The following OR5T2 variants were observed in gnomAD, a reference collection of about 807,000 sequenced individuals.
The protein encoded by OR5T2 is olfactory receptor 5T2.
A neutral mutation model predicts 13.7 loss-of-function variants in OR5T2; 12 were observed. The observed-to-expected ratio is 0.88, with a 90% CI of 0.56 to 1.42. The LOEUF (loss-of-function observed/expected upper bound fraction) is 1.42. Among genes scored for constraint, OR5T2 ranks in the 40% most tolerant of loss-of-function variants. The pLI is 0.00. For synonymous variants in OR5T2, 146 were observed against 139.5 expected (o/e 1.05, Z -0.33); for missense variants, 475 against 372.0 (o/e 1.28, Z -2.28).
In OR5T2 at chr11:56,234,239, G is replaced by T. The variant is rs1331117224; in HGVS notation, c.-265C>A. 2.6e-5 allele frequency: 4 copies of T among 151,882 alleles called. No homozygotes were observed. The highest frequency in any genetic ancestry group is 4.4e-5 in the Non-Finnish European group (3 of 67,940). 9.4% of individuals were successfully genotyped at this position (151,882 alleles called of 1,614,324 possible). A position where few individuals can be genotyped will look rare whatever the true frequency, so the allele number is the denominator to read the frequency against. On this transcript the variant is annotated 5_prime_UTR_variant, in exon 1 of 2. It adds an upstream start codon to the 5' untranslated region. Coordinates refer to ENST00000641661, the MANE Select transcript of OR5T2 (RefSeq NM_001004746.4). ...TTTCCAGAGCCAAGATTCAATCCCAGGTTTCTCTCATTGTACATGAAATTT... is the reference window on the plus strand; with the variant it reads ...TTTCCAGAGCCAAGATTCAATCCCATGTTTCTCTCATTGTACATGAAATTT...
At position 56,232,005 on chromosome 11, in the gene OR5T2, T is replaced by C; in HGVS notation, c.*101A>G. 1 of 963,662 alleles carries C rather than the reference T, an allele frequency of 1.0e-6. No individual in the cohort carries two copies. The highest frequency in any genetic ancestry group is 2.1e-5 in the South Asian group (1 of 48,700). The allele number at this position is 963,662 out of a possible 1,614,324, so 59.7% of individuals were successfully genotyped here. A position where few individuals can be genotyped will look rare whatever the true frequency, so the allele number is the denominator to read the frequency against. On this transcript the variant is annotated 3_prime_UTR_variant, in exon 2 of 2. Transcript: ENST00000641661. ...AGACTGTAACAAAGGCTATGGGAAT[T>C]ATGAGCCAGGAACCCTGGATGGAAA...
intron 1 of OR5T2, among the ~76,000 whole-genome samples, chr11:56,233,742 T>C (rs546672540): frequency 7.2e-4 from 109 of 152,180 alleles, no homozygotes; most frequent in African/African-American, 2.4e-3. Flanking sequence ...AATTATTCTT[T>C]GGAGAATGAA....
intron 1 of OR5T2, among the ~76,000 whole-genome samples, 164 bp downstream of exon 1, chr11:56,234,013 G>A (rs1473691280): frequency 6.6e-6 from 1 of 151,774 alleles, no homozygotes; most frequent in Non-Finnish European, 1.5e-5. Context: ...TAATAATATA[G>A]AATCAACTTT....
rs1018992870 is a variant in OR5T2, at chr11:56,231,363, G to C, written c.*743C>G. ...CACAGAAGACTTCTGTGATCAAATGGGTAGGGATTTCTTCCTCCCACACCA... is the reference window on the plus strand; with the variant it reads ...CACAGAAGACTTCTGTGATCAAATGCGTAGGGATTTCTTCCTCCCACACCA... On this transcript the variant is annotated 3_prime_UTR_variant, in exon 2 of 2. Transcript: ENST00000641661. 2.0e-5 allele frequency: 3 copies of C among 152,038 alleles called. No individual in the cohort carries two copies. The highest frequency in any genetic ancestry group is 4.4e-5 in the Non-Finnish European group (3 of 67,986). 9.4% of individuals were successfully genotyped at this position (152,038 alleles called of 1,614,324 possible).
In OR5T2 at chr11:56,231,283, G is replaced by A. The variant is rs1469275385; in HGVS notation, c.*823C>T. 6.6e-6 allele frequency: 1 copy of A among 152,040 alleles called. No individual in the cohort carries two copies. The highest frequency in any genetic ancestry group is 2.4e-5 in the African/African-American group (1 of 41,394). 9.4% of individuals were successfully genotyped at this position (152,040 alleles called of 1,614,324 possible). ...TTAAACATTTTTATTATCGTCTAGG[G>A]AAAACTCTTGCTAACCAGGTTTTTC... On this transcript the variant is annotated 3_prime_UTR_variant, in exon 2 of 2. Coordinates refer to ENST00000641661, the MANE Select transcript of OR5T2 (RefSeq NM_001004746.4).
In OR5T2 at chr11:56,232,935, A is replaced by G. The variant is rs371509815; in HGVS notation, c.128T>C (p.Leu43Pro). ...GGAATCCCTAATGACCACTAAAATCAGTCCTAAATTTCCCATGAGAGTGAA... is the reference window on the plus strand; with the variant it reads ...GGAATCCCTAATGACCACTAAAATCGGTCCTAAATTTCCCATGAGAGTGAA... Reference protein sequence around the residue: ...YLFTLMGNLGLILVVIRDSQL... With the variant: ...YLFTLMGNLGPILVVIRDSQL... The change falls in exon 2 of 2, where the codon CTG (leucine) becomes CCG (proline). Residue 43 changes from leucine to proline, a missense_variant. Physicochemically the swap from Leu to Pro is moderately conservative, Grantham distance 98. Transcript: ENST00000641661. 1.2e-6 allele frequency: 2 copies of G among 1,611,430 alleles called. No individual in the cohort carries two copies. Among genetic ancestry groups the G allele is most frequent in the African/African-American group, 1.3e-5 (1 of 74,882 alleles).
In OR5T2 at chr11:56,232,573, G is replaced by A. The variant is rs144528512; in HGVS notation, c.490C>T (p.Leu164=). 2.5e-6 allele frequency: 4 copies of A among 1,613,870 alleles called. No homozygotes were observed. In the Admixed American group the frequency reaches 5.0e-5, roughly 20 times the overall value. Residue 164 remains leucine (L), a synonymous_variant, in exon 2 of 2, where the codon CTA becomes TTA. Transcript: ENST00000641661. Reference sequence around the variant, plus strand: ...ATTTCATTGGCTCCACAGAAGGATAGGCTAAATGTAGCCACTGTATGTATA... The same window carrying A: ...ATTTCATTGGCTCCACAGAAGGATAAGCTAAATGTAGCCACTGTATGTATA... ...ATIHTVATFS[L]SFCGANEIRR... is the part of the protein sequence containing the mutation.
chr11:56,233,157 A>G lies in OR5T2; in HGVS notation c.-95T>C. The G allele has an allele frequency of 6.4e-7, 1 of 1,566,156 alleles. No homozygotes were observed. Among genetic ancestry groups the G allele is most frequent in the Non-Finnish European group, 8.7e-7 (1 of 1,152,888 alleles). Reference sequence around the variant, plus strand: ...AACACCATGACTCAAGGGGATGTTAACTGTGCTCTTGTATATACTGTACGA... The same window carrying G: ...AACACCATGACTCAAGGGGATGTTAGCTGTGCTCTTGTATATACTGTACGA... On this transcript the variant is annotated 5_prime_UTR_variant, in exon 2 of 2. Coordinates refer to ENST00000641661, the MANE Select transcript of OR5T2 (RefSeq NM_001004746.4).
In OR5T2 at chr11:56,232,604, A is replaced by C; in HGVS notation, c.459T>G (p.His153Gln). The C allele has an allele frequency of 6.2e-7, 1 of 1,614,126 alleles. No homozygotes were observed. Among genetic ancestry groups the C allele is most frequent in the Admixed American group, 1.7e-5 (1 of 60,022 alleles). The part of the protein sequence containing the change: ...INASYVAGIL[H>Q]ATIHTVATFS... ...ATGTAGCCACTGTATGTATAGTAGCATGTAAAATGCCAGCAACATAGGAAG... is the reference window on the plus strand; with the variant it reads ...ATGTAGCCACTGTATGTATAGTAGCCTGTAAAATGCCAGCAACATAGGAAG... Residue 153 changes from histidine to glutamine, a missense_variant, in exon 2 of 2, where the codon CAT becomes CAG. Coordinates refer to ENST00000641661, the MANE Select transcript of OR5T2 (RefSeq NM_001004746.4).
At chr11:56,233,288 G>A in intron 1 of OR5T2, 24 bp from the exon 2 acceptor site, 1 of 905,008 alleles carries the variant, frequency 1.1e-6, no homozygotes, top group Non-Finnish European at 1.6e-6. Context: ...TGGAAGAAAT[G>A]GACGTTCATT....
At chr11:56,233,391 T>A (rs933251898) in intron 1 of OR5T2, 127 bp from the exon 2 acceptor site, 1 of 393,672 alleles carries the variant, frequency 2.5e-6, no homozygotes, top group Non-Finnish European at 4.5e-6. Context: ...TTAAATAATA[T>A]TAAAACACAC....
Position 56,231,935 on chromosome 11 carries a change from G to A in OR5T2, c.*171C>T. 1 of 511,914 alleles carries A rather than the reference G, an allele frequency of 2.0e-6. No homozygotes were observed. Among genetic ancestry groups the A allele is most frequent in the Non-Finnish European group, 3.3e-6 (1 of 303,830 alleles). 31.7% of individuals were successfully genotyped at this position (511,914 alleles called of 1,614,324 possible). ...GCAAGTGAAAGGAGGGCAGGAGAAGGTAAAAGGCCTGCCCCTGAGGTATAA... is the reference window on the plus strand; with the variant it reads ...GCAAGTGAAAGGAGGGCAGGAGAAGATAAAAGGCCTGCCCCTGAGGTATAA... On this transcript the variant is annotated 3_prime_UTR_variant, in exon 2 of 2. Transcript: ENST00000641661.
At position 56,232,958 on chromosome 11, in the gene OR5T2, G is replaced by C; in HGVS notation, c.105C>G (p.Phe35Leu). 6.2e-7 allele frequency: 1 copy of C among 1,610,728 alleles called. No individual in the cohort carries two copies. Among genetic ancestry groups the C allele is most frequent in the Non-Finnish European group, 8.5e-7 (1 of 1,178,450 alleles). ...FFFLFLAIYL[F>L]TLMGNLGLIL... ...TCAGTCCTAAATTTCCCATGAGAGT[G>C]AAGAGGTAGATTGCTAGAAACAGGA... is the stretch of plus-strand genomic sequence containing the variant. The change falls in exon 2 of 2, where the codon TTC (phenylalanine) becomes TTG (leucine). Residue 35 changes from phenylalanine to leucine, a missense_variant. Physicochemically the swap from Phe to Leu is conservative, Grantham distance 22 (BLOSUM62 0). Coordinates refer to ENST00000641661, the MANE Select transcript of OR5T2 (RefSeq NM_001004746.4).
In OR5T2 at chr11:56,233,092, G is replaced by A. The variant is rs1048306035; in HGVS notation, c.-30C>T. On this transcript the variant is annotated 5_prime_UTR_variant, in exon 2 of 2. Coordinates refer to ENST00000641661, the MANE Select transcript of OR5T2 (RefSeq NM_001004746.4). ...AAATCTAGAACAAACTTGAAGATAT[G>A]CATAAAGTTACAGTTCATATTATGA... 6.2e-7 allele frequency: 1 copy of A among 1,605,704 alleles called. No homozygotes were observed. The highest frequency in any genetic ancestry group is 8.5e-7 in the Non-Finnish European group (1 of 1,173,708).
chr11:56,232,228 C>A lies in OR5T2; in HGVS notation c.835G>T (p.Val279Leu). 1 of 1,613,450 alleles carries A rather than the reference C, an allele frequency of 6.2e-7. No homozygotes were observed. Among genetic ancestry groups the A allele is most frequent in the Non-Finnish European group, 8.5e-7 (1 of 1,179,716 alleles). Residue 279 changes from valine (V) to leucine (L), a missense_variant, in exon 2 of 2, where the codon GTG becomes TTG. Transcript: ENST00000641661. ...ATGACGGGATTCAGCAAGGGAATCA[C>A]AATGGTGTAAAATATTGACACTATC... ...DMIVSIFYTIVIPLLNPVIYS... is the reference protein window; with the variant it reads ...DMIVSIFYTILIPLLNPVIYS...
At position 56,232,436 on chromosome 11, in the gene OR5T2, G is replaced by T. The variant is rs771184738; in HGVS notation, c.627C>A (p.Ile209=). The part of the protein sequence containing the change: ...YFVGSIELVT[I]LIVLISYGLI... ...AACCATAGGAGATCAGAACAATCAG[G>T]ATAGTGACCAGCTCGATAGAGCCCA... Residue 209 remains isoleucine, a synonymous_variant, in exon 2 of 2, where the codon ATC becomes ATA. Transcript: ENST00000641661. 6 of 1,609,442 alleles carry T rather than the reference G, an allele frequency of 3.7e-6. No individual in the cohort carries two copies. The East Asian group carries it at 1.3e-4, about 36-fold the overall frequency.
chr11:56,233,112 T>G lies in OR5T2; in HGVS notation c.-50A>C, dbSNP rs772423492. 1.9e-5 allele frequency: 30 copies of G among 1,598,718 alleles called. No homozygotes were observed. Among genetic ancestry groups the G allele is most frequent in the Non-Finnish European group, 1.8e-5 (21 of 1,169,644 alleles). On this transcript the variant is annotated 5_prime_UTR_variant, in exon 2 of 2. Transcript: ENST00000641661. Reference sequence around the variant, plus strand: ...GATATGCATAAAGTTACAGTTCATATTATGACAAAAAGAATGAACAACACC... The same window carrying G: ...GATATGCATAAAGTTACAGTTCATAGTATGACAAAAAGAATGAACAACACC...
Position 56,232,358 on chromosome 11 carries a change from G to C in OR5T2, c.705C>G (p.Val235=). The part of the protein sequence containing the change: ...KMYSAEGRRK[V]FSTCGAHLTG... Reference sequence around the variant, plus strand: ...TTAGGTGAGCTCCACATGTGGAGAAGACTTTTCTCCTCCCTTCAGCAGAAT... The same window carrying C: ...TTAGGTGAGCTCCACATGTGGAGAACACTTTTCTCCTCCCTTCAGCAGAAT... The change falls in exon 2 of 2, where the codon GTC becomes GTG. Residue 235 remains valine (V), a synonymous_variant. Coordinates refer to ENST00000641661, the MANE Select transcript of OR5T2 (RefSeq NM_001004746.4). The C allele has an allele frequency of 6.2e-7, 1 of 1,608,208 alleles. No individual in the cohort carries two copies. The highest frequency in any genetic ancestry group is 8.5e-7 in the Non-Finnish European group (1 of 1,177,010).
In OR5T2 at chr11:56,233,190, T is replaced by C; in HGVS notation, c.-128A>G. On this transcript the variant is annotated 5_prime_UTR_variant, in exon 2 of 2. The change abolishes the stop of an existing upstream ORF in the 5' untranslated region. Coordinates refer to ENST00000641661, the MANE Select transcript of OR5T2 (RefSeq NM_001004746.4). Reference sequence around the variant, plus strand: ...CTTGTATATACTGTACGACATATATTCAGCAGTGCATAATTCTCTAGTAGT... The same window carrying C: ...CTTGTATATACTGTACGACATATATCCAGCAGTGCATAATTCTCTAGTAGT... The C allele has an allele frequency of 6.6e-7, 1 of 1,505,072 alleles. No individual in the cohort carries two copies. 93.2% of individuals were successfully genotyped at this position (1,505,072 alleles called of 1,614,324 possible).
Sources: gnomAD v4.1 joint callset for allele counts (sites outside exome capture counted in the v4.1 genomes callset) on GRCh38, gnomAD v4.1.1 for gene constraint, MANE v1.5 for transcripts, NCBI Gene and HGNC (gene_info 2026-07-23, HGNC 2026-07-21) for gene names.